Variants in CCDC171 observed in about 807,000 individuals in gnomAD.
CCDC171 encodes the protein coiled-coil domain-containing protein 171.
In CCDC171, 177 loss-of-function variants were observed where a neutral mutation model predicts 168.2. That is an observed-to-expected ratio of 1.05 (90% CI 0.93 to 1.19). The LOEUF is 1.19. CCDC171 is among the 50% of genes most tolerant of loss of function. The pLI is 0.00. For missense variants in CCDC171, 1,991 were observed against 1,539.0 expected, an observed-to-expected ratio of 1.29 and a Z score of -4.91; for synonymous variants, 687 against 540.8, an observed-to-expected ratio of 1.27 and a Z score of -3.75.
chr9:15,683,399 A>G (rs1406792544), intron 10 of CCDC171, among the ~76,000 whole-genome samples: 1 of 152,042 alleles, frequency 6.6e-6, no homozygotes, highest in Non-Finnish European at 1.5e-5. Context: ...CTTTAGAAGA[A>G]CATGTTTCTG....
rs371518286 is a variant in CCDC171 at position 15,625,792 on chromosome 9, C to A, written c.822+2379C>A. Among the ~76,000 whole-genome samples the A allele has an allele frequency of 2.4e-4, 36 of 152,244 alleles. No individual in the cohort carries two copies. The East Asian group carries it at 5.6e-3, about 24-fold the overall frequency. On this transcript the variant is annotated intron_variant, in intron 7 of 25. Coordinates refer to ENST00000380701, the MANE Select transcript of CCDC171 (RefSeq NM_173550.4). Reference sequence around the variant, plus strand: ...TTCTTTTTGCTTAGGATTGTCTTGGCAATGCGGGCTCTTTTTTGGTTTCAT... The same window carrying A: ...TTCTTTTTGCTTAGGATTGTCTTGGAAATGCGGGCTCTTTTTTGGTTTCAT...
chr9:15,734,627 G>A (rs2054368785), intron 16 of CCDC171, among the ~76,000 whole-genome samples: 1 of 151,916 alleles, frequency 6.6e-6, no homozygotes, highest in South Asian at 2.1e-4. Context: ...AAATATAATT[G>A]AATACACTGC....
intron 25 of CCDC171, among the ~76,000 whole-genome samples, chr9:15,938,434 A>G (rs572144471): frequency 4.7e-4 from 71 of 152,034 alleles, no homozygotes; most frequent in Non-Finnish European, 9.1e-4. Flanking sequence ...CTACGAAAAA[A>G]AATCCTAATT....
At chr9:15,989,792 AG>A (rs1209784127) in intron 3 of CCDC171, among the ~76,000 whole-genome samples, 1 of 152,188 alleles carries the variant, frequency 6.6e-6, no homozygotes, top group African/African-American at 2.4e-5. Context: ...CACAAGCTTC[AG>A]TAGCTGATTC....
At chr9:15,968,802 G>A (rs1564086041) in intron 25 of CCDC171, among the ~76,000 whole-genome samples, 2 of 152,142 alleles carry the variant, frequency 1.3e-5, no homozygotes, top group African/African-American at 4.8e-5. Context: ...GCCTCCCAAA[G>A]TGCTGGGATT....
intron 23 of CCDC171, among the ~76,000 whole-genome samples, chr9:15,852,559 C>T (rs1166693043): frequency 6.6e-6 from 1 of 151,470 alleles, no homozygotes; most frequent in African/African-American, 2.4e-5. Flanking sequence ...TAAATAGTGT[C>T]CTTTCATGAA....
intron 23 of CCDC171, among the ~76,000 whole-genome samples, chr9:15,871,870 C>T (rs1382734712): frequency 3.3e-5 from 5 of 151,842 alleles, no homozygotes; most frequent in Admixed American, 3.3e-4. Flanking sequence ...CTTAGTGTCA[C>T]TGTTTTGGAT....
At chr9:15,556,725 G>T (rs2038832132) in intron 1 of CCDC171, among the ~76,000 whole-genome samples, 1 of 151,800 alleles carries the variant, frequency 6.6e-6, no homozygotes, top group African/African-American at 2.4e-5. Context: ...CTTTTGCTGT[G>T]CAGAAGCTCT....
chr9:15,754,933 G>C (rs969446148), intron 18 of CCDC171, among the ~76,000 whole-genome samples: 1 of 152,070 alleles, frequency 6.6e-6, no homozygotes, highest in Non-Finnish European at 1.5e-5. Flanking sequence ...TACATTGGTT[G>C]ATCTTAGAAT....
intron 21 of CCDC171, among the ~76,000 whole-genome samples, chr9:15,836,295 C>G (rs557489435): frequency 3.3e-5 from 5 of 152,176 alleles, no homozygotes; most frequent in African/African-American, 7.2e-5. Flanking sequence ...TATGTCCATA[C>G]CCCATGATTG....
intron 21 of CCDC171, among the ~76,000 whole-genome samples, chr9:15,811,632 ACT>A (rs1472536175): frequency 6.6e-6 from 1 of 152,178 alleles, no homozygotes; most frequent in African/African-American, 2.4e-5. Flanking sequence ...AAATTTAGTT[ACT>A]GTTTCTACTA....
intron 3 of CCDC171, among the ~76,000 whole-genome samples, chr9:15,987,235 T>C (rs1028432368): frequency 3.9e-5 from 6 of 152,076 alleles, no homozygotes; most frequent in Admixed American, 6.5e-5. Context: ...AACACACATA[T>C]AAGAAAATGA....
Position 15,931,460 on chromosome 9 carries a change from T to C in CCDC171, c.3753+11038T>C, listed in dbSNP as rs796342791. On this transcript the variant is annotated intron_variant, in intron 25 of 25. Coordinates refer to ENST00000380701, the MANE Select transcript of CCDC171 (RefSeq NM_173550.4). Reference sequence around the variant, plus strand: ...TCTTTCTTTCTTTCTTTCTTTCTTTTTTTTTTTTTTTTTTTTTTGCTGTTG... The same window carrying C: ...TCTTTCTTTCTTTCTTTCTTTCTTTCTTTTTTTTTTTTTTTTTTGCTGTTG... Among the ~76,000 whole-genome samples the C allele has an allele frequency of 5.2e-4, 72 of 138,340 alleles. No individual in the cohort carries two copies. The East Asian group carries it at 9.8e-3, about 19-fold the overall frequency. The allele number at this position is 138,340 out of a possible 152,430, so 90.8% of individuals were successfully genotyped here.
chr9:15,744,425 G>A lies in CCDC171; in HGVS notation c.2202G>A (p.Met734Ile), dbSNP rs767369470. ...CCTTGCTGGCAGCCTGTGCATTAAT[G>A]GCTGGTGCCTTATATCCCCTCTATA... ...QMSLLAACAL[M>I]AGALYPLYSR... The change falls in exon 17 of 26, where the codon ATG (methionine) becomes ATA (isoleucine). Residue 734 changes from methionine (M) to isoleucine (I), a missense_variant. By Grantham distance (10) the Met-to-Ile change is conservative (BLOSUM62 1). Transcript: ENST00000380701. The A allele has an allele frequency of 6.2e-7, 1 of 1,614,010 alleles. No homozygotes were observed. Among genetic ancestry groups the A allele is most frequent in the Middle Eastern group, 1.6e-4 (1 of 6,080 alleles).
chr9:15,639,032 C>T lies in CCDC171; in HGVS notation c.822+15619C>T, dbSNP rs574456045. ...TTTGCAAATAAATTCTGAATTGCTTCTGTCAGTCATATTCTATATTATAGT... is the reference window on the plus strand; with the variant it reads ...TTTGCAAATAAATTCTGAATTGCTTTTGTCAGTCATATTCTATATTATAGT... On this transcript the variant is annotated intron_variant, in intron 7 of 25. Coordinates refer to ENST00000380701, the MANE Select transcript of CCDC171 (RefSeq NM_173550.4). 3.3e-5 allele frequency among the ~76,000 whole-genome samples: 5 copies of T among 152,136 alleles called. No homozygotes were observed. In the South Asian group the frequency reaches 8.3e-4, roughly 25 times the overall value.
intron 3 of CCDC171, among the ~76,000 whole-genome samples, chr9:15,982,939 C>T (rs1831850533): frequency 6.6e-6 from 1 of 152,072 alleles, no homozygotes; most frequent in African/African-American, 2.4e-5. Context: ...AAATAATGGG[C>T]ATCTCCAGAA....
intron 8 of CCDC171, among the ~76,000 whole-genome samples, chr9:15,659,141 C>T (rs1271912649): frequency 5.3e-5 from 8 of 152,160 alleles, no homozygotes; most frequent in Admixed American, 4.6e-4. Flanking sequence ...AGGATATGGT[C>T]ATGCAAAGTT....
rs10962240 is a variant in CCDC171, at chr9:15,961,952, G to A, written c.3754-9657G>A. On this transcript the variant is annotated intron_variant, in intron 25 of 25. Coordinates refer to ENST00000380701, the MANE Select transcript of CCDC171 (RefSeq NM_173550.4). Reference sequence around the variant, plus strand: ...TGCCCTAGGGTCAGCAAATCTACATGCCACCTGTTTTTGTATGGCCTGTGA... The same window carrying A: ...TGCCCTAGGGTCAGCAAATCTACATACCACCTGTTTTTGTATGGCCTGTGA... Among the ~76,000 whole-genome samples, 918 of 152,166 alleles carry A rather than the reference G, an allele frequency of 6.0e-3. 7 individuals are homozygous for A. Among genetic ancestry groups the A allele is most frequent in the Admixed American group, 0.011 (172 of 15,274 alleles).
At chr9:15,924,858 TA>T (rs945424011) in intron 25 of CCDC171, among the ~76,000 whole-genome samples, 7 of 151,534 alleles carry the variant, frequency 4.6e-5, no homozygotes, top group Non-Finnish European at 3.0e-5. Context: ...TTTCAATTTT[TA>T]TGCAACATCA....
Sources: allele counts gnomAD v4.1 joint callset (sites outside exome capture counted in the v4.1 genomes callset), GRCh38; gene constraint gnomAD v4.1.1; transcripts MANE v1.5; gene names NCBI Gene and HGNC (gene_info 2026-07-23, HGNC 2026-07-21).